The following PIGG variants were observed in gnomAD, a reference collection of about 807,000 sequenced individuals.
The protein encoded by PIGG is phosphatidylinositol glycan anchor biosynthesis class G (EMM blood group).
A neutral mutation model predicts 83.2 loss-of-function variants in PIGG; 70 were observed. That is an observed-to-expected ratio of 0.84 (90% CI 0.69 to 1.03). The LOEUF (loss-of-function observed/expected upper bound fraction) is 1.03, where lower values mean the gene tolerates loss of function less well. PIGG is among the 50% of genes least tolerant of loss of function. The pLI is 0.00. For missense variants in PIGG, 1,257 were observed against 1,233.6 expected (o/e 1.02, Z -0.28); for synonymous variants, 532 against 519.5 (o/e 1.02, Z -0.33).
intron 8 of PIGG, chr4:522,171 C>A (rs895731460): frequency 1.8e-5 from 11 of 606,162 alleles, no homozygotes; most frequent in Admixed American, 1.7e-4. Context: ...TCAGATGCCT[C>A]AGTTCTTGGA....
chr4:521,365 A>T, intron 7 of PIGG, 92 bp downstream of exon 7: 1 of 815,996 alleles, frequency 1.2e-6, no homozygotes, highest in Admixed American at 2.9e-5. Context: ...TATAGGTGTT[A>T]TTAAAAATGG....
At chr4:534,264 G>A (rs1729822091) in intron 12 of PIGG, among the ~76,000 whole-genome samples, 2 of 152,020 alleles carry the variant, frequency 1.3e-5, no homozygotes, top group Admixed American at 6.5e-5. Context: ...CCAGCACATG[G>A]TTTCTAGACA....
At position 500,463 on chromosome 4, in the gene PIGG, T is replaced by C. The variant is rs2108747568; in HGVS notation, c.222T>C (p.Asp74=). 4 of 1,613,924 alleles carry C rather than the reference T, an allele frequency of 2.5e-6. No homozygotes were observed. Among genetic ancestry groups the C allele is most frequent in the East Asian group, 2.2e-5 (1 of 44,890 alleles). Residue 74 remains aspartate (D), a synonymous_variant, in exon 2 of 13, where the codon GAT becomes GAC. Coordinates refer to ENST00000453061, the MANE Select transcript of PIGG (RefSeq NM_001127178.3). ...GTAAAGTTGTTATTGTTCTGATAGA[T>C]GCCTTGAGAGATGATTTTGTGTTTG... The part of the protein sequence containing the change: ...LFSKVVIVLI[D]ALRDDFVFGS...
At chr4:509,528 C>T (rs1402415801) in intron 5 of PIGG, among the ~76,000 whole-genome samples, 2 of 152,232 alleles carry the variant, frequency 1.3e-5, no homozygotes, top group East Asian at 3.9e-4. Context: ...TCCACTTGCG[C>T]CTGGCTTCTG....
At chr4:504,691 A>G (rs1718981615) in intron 2 of PIGG, among the ~76,000 whole-genome samples, 1 of 152,100 alleles carries the variant, frequency 6.6e-6, no homozygotes, top group Admixed American at 6.5e-5. Flanking sequence ...GTTTATTTTC[A>G]TTGCACAGGT....
rs557989469 is a variant in PIGG, at chr4:508,403, G to T, written c.760-426G>T. On this transcript the variant is annotated intron_variant, in intron 4 of 12. Transcript: ENST00000453061. ...TGGCTGCAACCCCAGGGGCAGAGAA[G>T]CCTGGTGGGTGCCCCCACATGGCTC... Among the ~76,000 whole-genome samples the T allele has an allele frequency of 1.6e-3, 245 of 152,380 alleles. 2 individuals carry two copies. Among genetic ancestry groups the T allele is most frequent in the Non-Finnish European group, 1.0e-3 (70 of 68,036 alleles).
At chr4:530,407 T>C (rs1218064722) in intron 10 of PIGG, 29 bp from the exon 11 acceptor site, 1 of 1,507,522 alleles carries the variant, frequency 6.6e-7, no homozygotes, top group Non-Finnish European at 9.2e-7. Flanking sequence ...CTGGTGCTAA[T>C]GAATCTAACT....
chr4:508,682 C>T, intron 4 of PIGG, 147 bp from the exon 5 acceptor site: 1 of 661,182 alleles, frequency 1.5e-6, no homozygotes, highest in Non-Finnish European at 2.6e-6. Context: ...TGTGATCTGG[C>T]TATGAGCTCA....
At position 504,620 on chromosome 4, in the gene PIGG, T is replaced by A. The variant is rs1718952214; in HGVS notation, c.361-1098T>A. ...AGTCTGGATAATTCATACTTGCATTTATTTATCGTTAAAGATGTCTCGGTA... is the reference window on the plus strand; with the variant it reads ...AGTCTGGATAATTCATACTTGCATTAATTTATCGTTAAAGATGTCTCGGTA... On this transcript the variant is annotated intron_variant, in intron 2 of 12. Transcript: ENST00000453061. Among the ~76,000 whole-genome samples, 6 of 152,244 alleles carry A rather than the reference T, an allele frequency of 3.9e-5. No homozygotes were observed. The South Asian group carries it at 1.2e-3, about 32-fold the overall frequency.
In PIGG at chr4:521,705, A is replaced by C. The variant is rs779846680; in HGVS notation, c.1378A>C (p.Lys460Gln). Residue 460 changes from lysine to glutamine, a missense_variant, in exon 8 of 13, where the codon AAG (lysine) becomes CAG (glutamine). Coordinates refer to ENST00000453061, the MANE Select transcript of PIGG (RefSeq NM_001127178.3). Reference protein sequence around the residue: ...LLSVPQALRRKAELEVPLSSP... With the variant: ...LLSVPQALRRQAELEVPLSSP... The stretch of plus-strand genomic sequence containing the variant: ...CAGCGTCCCACAGGCACTGCGCAGA[A>C]AGGCTGAGCTGGAAGTCCCACTGTC... 8.7e-6 allele frequency: 14 copies of C among 1,614,136 alleles called. No homozygotes were observed. The South Asian group carries it at 1.3e-4, about 15-fold the overall frequency.
chr4:530,795 T>C (rs763467112), intron 11 of PIGG, 50 bp downstream of exon 11: 5 of 1,266,008 alleles, frequency 3.9e-6, no homozygotes, highest in Non-Finnish European at 5.5e-6. Flanking sequence ...TTTACATATT[T>C]ATTTTAAATT....
intron 2 of PIGG, among the ~76,000 whole-genome samples, chr4:504,483 A>G (rs1355870351): frequency 6.6e-6 from 1 of 152,144 alleles, no homozygotes; most frequent in Non-Finnish European, 1.5e-5. Context: ...CTGTTCTATA[A>G]TTTTGGTGAA....
intron 10 of PIGG, chr4:527,690 T>G: frequency 1.0e-6 from 1 of 988,422 alleles, no homozygotes; most frequent in South Asian, 4.7e-5. Flanking sequence ...CAGACCGTCC[T>G]TGTAATTTAT....
intron 5 of PIGG, among the ~76,000 whole-genome samples, chr4:513,757 G>A (rs144030923): frequency 6.6e-4 from 101 of 152,246 alleles, no homozygotes; most frequent in Middle Eastern, 6.8e-3. Flanking sequence ...GCCCCTTATC[G>A]TCAGTGGGGC....
At chr4:523,214 C>T (rs144995837) in intron 8 of PIGG, among the ~76,000 whole-genome samples, 5 of 152,260 alleles carry the variant, frequency 3.3e-5, no homozygotes, top group African/African-American at 9.6e-5. Context: ...GCTGGCTGGC[C>T]GTGCAGTGTC....
intron 2 of PIGG, among the ~76,000 whole-genome samples, chr4:503,845 TACACACACACACACAC>T (rs56841358): frequency 1.5e-4 from 22 of 145,718 alleles, no homozygotes; most frequent in Admixed American, 4.1e-4. Flanking sequence ...TGTGATTTTA[TACACACACACACACAC>T]ACACACACAC....
chr4:525,215 A>T (rs1727244488), intron 9 of PIGG: 2 of 985,442 alleles, frequency 2.0e-6, no homozygotes, highest in Non-Finnish European at 2.4e-6. Flanking sequence ...TGAGCCTTTC[A>T]TTGGCGACTG....
chr4:507,722 C>T (rs782733612), intron 4 of PIGG, 129 bp downstream of exon 4: 234 of 767,654 alleles, frequency 3.0e-4, no homozygotes, highest in Non-Finnish European at 4.1e-4. Context: ...AGCCAGGGGC[C>T]GCATGCCACA....
rs1720927309 is a variant in PIGG at position 509,038 on chromosome 4, T to TTTTC, written c.901+70_901+71insTCTT. On this transcript the variant is annotated intron_variant, in intron 5 of 12. Coordinates refer to ENST00000453061, the MANE Select transcript of PIGG (RefSeq NM_001127178.3). ...TTGTTTTCTATAGTCTGGTTTTAAT[T>TTTTC]TTGAAAACCTATTTTTTAGAAGCTC... 2.2e-6 allele frequency: 3 copies of TTTTC among 1,370,052 alleles called. No individual in the cohort carries two copies. The Admixed American group carries it at 6.2e-5, about 28-fold the overall frequency. The allele number at this position is 1,370,052 out of a possible 1,614,324, so 84.9% of individuals were successfully genotyped here.
Sources: allele counts gnomAD v4.1 joint callset (sites outside exome capture counted in the v4.1 genomes callset), GRCh38; gene constraint gnomAD v4.1.1; transcripts MANE v1.5; gene names NCBI Gene and HGNC (gene_info 2026-07-23, HGNC 2026-07-21).